NBPF11: variants seen among roughly 807,000 people sequenced by gnomAD.
The protein encoded by NBPF11 is NBPF family member NBPF11.
In NBPF11, 72 loss-of-function variants were observed where a neutral mutation model predicts 93.9. The ratio of observed to expected loss-of-function variants is 0.77; its 90% CI spans 0.63 to 0.93. The LOEUF is 0.93. Ranked by LOEUF, NBPF11 falls within the 40% of genes least tolerant of loss-of-function variation. The pLI is 0.00. For synonymous variants in NBPF11, 224 were observed against 304.9 expected (o/e 0.73, Z 2.76); for missense variants, 705 against 802.2 (o/e 0.88, Z 1.46).
At chr1:148,151,358 A>C (rs1648268013) in intron 1 of NBPF11, among the ~76,000 whole-genome samples, 1 of 151,954 alleles carries the variant, frequency 6.6e-6, no homozygotes. Context: ...CCAACTTTGC[A>C]AGTCAGGGGC....
Position 148,108,052 on chromosome 1 carries a change from A to G in NBPF11, c.2027-290T>C, listed in dbSNP as rs1474441797. Among the ~76,000 whole-genome samples the G allele has an allele frequency of 2.2e-4, 32 of 146,128 alleles. No individual in the cohort carries two copies. The East Asian group carries it at 4.2e-3, about 19-fold the overall frequency. ...TATTTTTCCAATCGATTTAAAGCAA[A>G]TGCCCCCAAATGGTTGCTAGGAGAA... On this transcript the variant is annotated intron_variant, in intron 18 of 23. Transcript: ENST00000682118.
At chr1:148,145,204 T>C (rs1332216163) in intron 1 of NBPF11, among the ~76,000 whole-genome samples, 2 of 104,902 alleles carry the variant, frequency 1.9e-5, no homozygotes, top group African/African-American at 7.9e-5. Context: ...TTTCTTTCTT[T>C]TTTTTTTTTT....
At chr1:148,134,047 C>G (rs1307307985) in intron 4 of NBPF11, among the ~76,000 whole-genome samples, 32 of 152,062 alleles carry the variant, frequency 2.1e-4, no homozygotes, top group Non-Finnish European at 2.5e-4. Context: ...GTTGTTCTGA[C>G]AGCAGGGAGG....
At chr1:148,119,919 G>A (rs1339741365) in intron 10 of NBPF11, among the ~76,000 whole-genome samples, 1 of 152,128 alleles carries the variant, frequency 6.6e-6, no homozygotes, top group African/African-American at 2.4e-5. Context: ...CTCCCAAAGG[G>A]CTGGGATTAC....
intron 7 of NBPF11, among the ~76,000 whole-genome samples, chr1:148,123,280 G>T (rs1382631053): frequency 6.6e-6 from 1 of 152,170 alleles, no homozygotes; most frequent in Non-Finnish European, 1.5e-5. Context: ...CATGGGGAGT[G>T]CTCCAGTCTG....
chr1:148,120,698 G>T lies in NBPF11; in HGVS notation c.791C>A (p.Thr264Asn), dbSNP rs1667620314. Residue 264 changes from threonine (T) to asparagine (N), a missense_variant, in exon 10 of 24, where the codon ACC becomes AAC. This residue lies in a region of NBPF11 where 262 missense variants were observed against 223.1 expected (regional missense o/e 1.17). Transcript: ENST00000682118. ...CATGCTGACGTTTGTGGCAGAAGAG[G>T]TGGGGCCAGGGACTGGGGAGAAGAA... The part of the protein sequence containing the change: ...ALNILPVPGP[T>N]SSATNVSMVV... 22 of 1,516,766 alleles carry T rather than the reference G, an allele frequency of 1.5e-5. No individual in the cohort carries two copies. The highest frequency in any genetic ancestry group is 1.8e-5 in the Non-Finnish European group (20 of 1,093,396). 94.0% of individuals were successfully genotyped at this position (1,516,766 alleles called of 1,614,324 possible).
intron 19 of NBPF11, among the ~76,000 whole-genome samples, chr1:148,107,472 T>A: frequency 6.6e-6 from 1 of 151,846 alleles, no homozygotes; most frequent in South Asian, 2.1e-4. Flanking sequence ...TTGCTCAAGA[T>A]TCCATGCAGT....
chr1:148,102,635 T>C lies in NBPF11; in HGVS notation c.*1261A>G, dbSNP rs1259325565. 3 of 150,878 alleles carry C rather than the reference T, an allele frequency of 2.0e-5. No homozygotes were observed. The highest frequency in any genetic ancestry group is 1.9e-4 in the East Asian group (1 of 5,162). The allele number at this position is 150,878 out of a possible 1,614,324, so 9.3% of individuals were successfully genotyped here. A position where few individuals can be genotyped will look rare whatever the true frequency, so the allele number is the denominator to read the frequency against. On this transcript the variant is annotated 3_prime_UTR_variant, in exon 24 of 24. Transcript: ENST00000682118. ...AAGACATTTTCAGACAACTTCAGAA[T>C]GTAGATCATTGAGCCAGACAGCTGA...
At chr1:148,139,111 A>C (rs1671801444) in intron 2 of NBPF11, among the ~76,000 whole-genome samples, 1 of 151,852 alleles carries the variant, frequency 6.6e-6, no homozygotes, top group South Asian at 2.1e-4. Context: ...AGATAAAATA[A>C]AATAAAGACG....
chr1:148,149,623 C>G (rs1174004926), intron 1 of NBPF11: 1 of 1,506,668 alleles, frequency 6.6e-7, no homozygotes, highest in South Asian at 1.2e-5. Context: ...CCTCACCCCG[C>G]GCCGGCCCCC....
intron 12 of NBPF11, among the ~76,000 whole-genome samples, 170 bp from the exon 13 acceptor site, chr1:148,116,705 A>G (rs9970158): frequency 6.6e-6 from 1 of 151,546 alleles, no homozygotes; most frequent in South Asian, 2.1e-4. Flanking sequence ...CTGGTCCATC[A>G]GGCAATGCAT....
chr1:148,111,434 G>A (rs1277067181), intron 15 of NBPF11, among the ~76,000 whole-genome samples: 1 of 151,984 alleles, frequency 6.6e-6, no homozygotes, highest in African/African-American at 2.4e-5. Context: ...GCTTCAGAAA[G>A]TCGGTAATAA....
intron 4 of NBPF11, among the ~76,000 whole-genome samples, chr1:148,129,260 TAATAC>T: frequency 6.8e-6 from 1 of 147,418 alleles, no homozygotes. Context: ...TGTATATATA[TAATAC>T]GTGTATATAC....
At chr1:148,119,984 T>G (rs1667455370) in intron 10 of NBPF11, among the ~76,000 whole-genome samples, 1 of 151,982 alleles carries the variant, frequency 6.6e-6, no homozygotes, top group Non-Finnish European at 1.5e-5. Flanking sequence ...CTGTCACTTA[T>G]AGATAGCACA....
intron 20 of NBPF11, among the ~76,000 whole-genome samples, chr1:148,106,705 G>T (rs1663716646): frequency 6.7e-6 from 1 of 148,868 alleles, no homozygotes; most frequent in South Asian, 2.1e-4. Flanking sequence ...TGTGCTGAGA[G>T]TGGGCTCAGG....
chr1:148,146,657 T>A, intron 1 of NBPF11: 2 of 1,611,406 alleles, frequency 1.2e-6, no homozygotes, highest in Non-Finnish European at 1.7e-6. Context: ...ACCATCGAGG[T>A]CTTCCCCACC....
intron 4 of NBPF11, among the ~76,000 whole-genome samples, chr1:148,129,024 G>A (rs1669725814): frequency 6.7e-6 from 1 of 148,392 alleles, no homozygotes; most frequent in Non-Finnish European, 1.5e-5. Flanking sequence ...GGGAGGGATA[G>A]CATTAGGATA....
intron 9 of NBPF11, 68 bp from the exon 10 acceptor site, chr1:148,120,778 C>T: frequency 1.8e-6 from 2 of 1,123,010 alleles, no homozygotes; most frequent in Non-Finnish European, 2.7e-6. Flanking sequence ...TTAATCAGGA[C>T]TGAGGGATGT....
intron 2 of NBPF11, among the ~76,000 whole-genome samples, chr1:148,141,686 C>G (rs1672195558): frequency 6.6e-6 from 1 of 151,800 alleles, no homozygotes; most frequent in Non-Finnish European, 1.5e-5. Context: ...GTCATCTAGA[C>G]AGTTCAGGGT....
Sources: allele counts gnomAD v4.1 joint callset (sites outside exome capture counted in the v4.1 genomes callset), GRCh38; gene constraint gnomAD v4.1.1; regional missense constraint gnomAD v4.1.1; transcripts MANE v1.5; gene names NCBI Gene and HGNC (gene_info 2026-07-23, HGNC 2026-07-21).